Variants in NGEF observed in about 807,000 individuals in gnomAD.
The protein encoded by NGEF is ephexin-1.
A neutral mutation model predicts 80.9 loss-of-function variants in NGEF; 31 were observed. The observed-to-expected ratio is 0.38, with a 90% confidence interval of 0.29 to 0.52. The LOEUF is 0.52. NGEF is among the 20% of genes least tolerant of loss of function. NGEF has a pLI of 0.84. For missense variants in NGEF, 709 were observed against 926.2 expected (o/e 0.77, Z 3.04); for synonymous variants, 371 against 370.2 (o/e 1.00, Z -0.03).
chr2:232,937,766 TG>T (rs2106294077), intron 3 of NGEF, among the ~76,000 whole-genome samples: 1 of 152,298 alleles, frequency 6.6e-6, no homozygotes, highest in African/African-American at 2.4e-5. Context: ...AGCTTTTGCT[TG>T]GTATCCCATC....
intron 4 of NGEF, among the ~76,000 whole-genome samples, chr2:232,926,258 T>C (rs1390197308): frequency 1.3e-5 from 2 of 152,014 alleles, no homozygotes; most frequent in South Asian, 2.1e-4. Context: ...CTGGAACCAT[T>C]TTCAGAGTAA....
intron 1 of NGEF, among the ~76,000 whole-genome samples, chr2:233,001,198 G>C (rs550033077): frequency 2.5e-4 from 38 of 152,344 alleles, no homozygotes; most frequent in Non-Finnish European, 5.0e-4. Flanking sequence ...ATGAGGATTG[G>C]AGTGGCATTG....
chr2:232,927,860 C>T (rs1315363249), intron 3 of NGEF: 6 of 1,241,810 alleles, frequency 4.8e-6, no homozygotes, highest in South Asian at 5.9e-5. Flanking sequence ...GCGGGGGCGG[C>T]GCGCCGGGGC....
At chr2:232,919,813 C>T (rs1043576726) in intron 5 of NGEF, among the ~76,000 whole-genome samples, 9 of 152,184 alleles carry the variant, frequency 5.9e-5, no homozygotes, top group Admixed American at 5.9e-4. Flanking sequence ...AGCTGAGGGA[C>T]TTCCTTCAGA....
intron 2 of NGEF, 74 bp from the exon 3 acceptor site, chr2:232,970,402 G>T: frequency 2.1e-6 from 2 of 965,414 alleles, no homozygotes; most frequent in South Asian, 1.5e-5. Context: ...TGTAAGCCTA[G>T]GACAGTAGCA....
At chr2:232,886,369 T>G (rs1434142660) in intron 9 of NGEF, among the ~76,000 whole-genome samples, 1 of 151,320 alleles carries the variant, frequency 6.6e-6, no homozygotes, top group African/African-American at 2.4e-5. Flanking sequence ...GTGTGTGCGG[T>G]GTGTATTGTG....
rs893473389 is a variant in NGEF at position 232,892,480 on chromosome 2, G to A, written c.1142+418C>T. The stretch of plus-strand genomic sequence containing the variant: ...AGCAATCAATGCCCCGGCGCTGCTG[G>A]AGGAGCCCCACCGAGGCTCCTTCCC... On this transcript the variant is annotated intron_variant, in intron 7 of 14. Transcript: ENST00000264051. This position sits in a 1 kb window ranked among gnomAD's most constrained non-coding sequence, Gnocchi z 4.0. Among the ~76,000 whole-genome samples, 1 of 152,088 alleles carries A rather than the reference G, an allele frequency of 6.6e-6. No individual in the cohort carries two copies. The highest frequency in any genetic ancestry group is 2.4e-5 in the African/African-American group (1 of 41,402).
intron 3 of NGEF, among the ~76,000 whole-genome samples, chr2:232,939,945 C>T (rs1046181871): frequency 2.6e-5 from 4 of 151,578 alleles, no homozygotes; most frequent in African/African-American, 7.3e-5. Flanking sequence ...TGCAGTGAGC[C>T]GAGATCATGT....
chr2:232,929,129 C>T (rs1693163388), intron 3 of NGEF, among the ~76,000 whole-genome samples: 1 of 152,216 alleles, frequency 6.6e-6, no homozygotes, highest in African/African-American at 2.4e-5. Flanking sequence ...TGCAGCCGGG[C>T]CTGTCCTTTT....
rs1389412697 is a variant in NGEF, at chr2:232,899,985, TTCAC to T, written c.829-5073_829-5070del. 9.7e-4 allele frequency among the ~76,000 whole-genome samples: 69 copies of T among 70,838 alleles called. 7 individuals are homozygous for T. Among genetic ancestry groups the T allele is most frequent in the African/African-American group, 3.5e-3 (57 of 16,404 alleles). 46.5% of individuals were successfully genotyped at this position (70,838 alleles called of 152,430 possible). On this transcript the variant is annotated intron_variant, in intron 5 of 14. Coordinates refer to ENST00000264051, the MANE Select transcript of NGEF (RefSeq NM_019850.3). Reference sequence around the variant, plus strand: ...AGTCACTCATATACACATTCACTCATTCACTCACACACGCTCTCACAGTCACTCA... The same window carrying T: ...AGTCACTCATATACACATTCACTCATTCACACACGCTCTCACAGTCACTCA...
rs559876769 is a variant in NGEF, at chr2:232,878,813, C to T, written c.*676G>A. 6.6e-6 allele frequency: 1 copy of T among 152,632 alleles called. No individual in the cohort carries two copies. The highest frequency in any genetic ancestry group is 1.9e-4 in the East Asian group (1 of 5,196). The allele number at this position is 152,632 out of a possible 1,614,324, so 9.5% of individuals were successfully genotyped here. ...CAATTCATTCCTTAAAACACCTGGG[C>T]TCCTTAAGGGGCTAGAAGACACAAG... On this transcript the variant is annotated 3_prime_UTR_variant, in exon 15 of 15. Transcript: ENST00000264051.
chr2:232,967,897 T>C (rs1694098567), intron 3 of NGEF, among the ~76,000 whole-genome samples: 3 of 152,102 alleles, frequency 2.0e-5, no homozygotes, highest in African/African-American at 7.2e-5. Flanking sequence ...GTGAAGCTTC[T>C]AGGAATTTAG....
chr2:232,938,645 G>C (rs1321141368), intron 3 of NGEF, among the ~76,000 whole-genome samples: 1 of 149,574 alleles, frequency 6.7e-6, no homozygotes, highest in African/African-American at 2.5e-5. Context: ...TGTAATCCCA[G>C]CACCTTGGGA....
At chr2:232,937,394 C>T (rs1693349801) in intron 3 of NGEF, among the ~76,000 whole-genome samples, 1 of 152,212 alleles carries the variant, frequency 6.6e-6, no homozygotes, top group South Asian at 2.1e-4. Flanking sequence ...ACATGTCTGA[C>T]CCCACATATC....
In NGEF at chr2:232,966,722, G is replaced by A. The variant is rs541954605; in HGVS notation, c.383+3492C>T. 4.7e-4 allele frequency among the ~76,000 whole-genome samples: 72 copies of A among 152,286 alleles called. 1 individual carries two copies. Among genetic ancestry groups the A allele is most frequent in the Non-Finnish European group, 8.2e-4 (56 of 68,028 alleles). ...ACATTTTTATGTACCAATTGGCAGA[G>A]AGCCACTGTCCTGAGACTCCTTCTC... is the stretch of plus-strand genomic sequence containing the variant. On this transcript the variant is annotated intron_variant, in intron 3 of 14. Coordinates refer to ENST00000264051, the MANE Select transcript of NGEF (RefSeq NM_019850.3).
rs189824221 is a variant in NGEF at position 232,978,693 on chromosome 2, C to T, written c.-74-3729G>A. Among the ~76,000 whole-genome samples the T allele has an allele frequency of 2.3e-3, 344 of 152,174 alleles. 4 individuals are homozygous for T. Among genetic ancestry groups the T allele is most frequent in the East Asian group, 0.02 (104 of 5,160 alleles). On this transcript the variant is annotated intron_variant, in intron 1 of 14. Coordinates refer to ENST00000264051, the MANE Select transcript of NGEF (RefSeq NM_019850.3). ...TCAGTAACTGCCCCGCCCCCAGCCC[C>T]GGCAACCACCAATTAGAGTCTTGGT...
At chr2:232,953,036 G>T (rs1380217352) in intron 3 of NGEF, among the ~76,000 whole-genome samples, 1 of 144,570 alleles carries the variant, frequency 6.9e-6, no homozygotes, top group South Asian at 2.2e-4. Flanking sequence ...AGGCGCAGTG[G>T]CTCACGCCTG....
chr2:232,964,707 A>G (rs1217674919), intron 3 of NGEF, among the ~76,000 whole-genome samples: 1 of 152,244 alleles, frequency 6.6e-6, no homozygotes, highest in African/African-American at 2.4e-5. Flanking sequence ...ATAAAATAAA[A>G]GAACAAAAAG....
At chr2:232,970,559 T>C (rs1271750895) in intron 2 of NGEF, among the ~76,000 whole-genome samples, 1 of 152,134 alleles carries the variant, frequency 6.6e-6, no homozygotes, top group East Asian at 1.9e-4. Flanking sequence ...CCGAGTGCGG[T>C]GGCTCACACC....
Sources: allele counts gnomAD v4.1 joint callset (sites outside exome capture counted in the v4.1 genomes callset), GRCh38; gene constraint gnomAD v4.1.1; non-coding constraint Gnocchi (gnomAD v3.1); transcripts MANE v1.5; gene names NCBI Gene and HGNC (gene_info 2026-07-23, HGNC 2026-07-21).